The following SAMSN1 variants were observed in gnomAD, a reference collection of about 807,000 sequenced individuals.
The protein encoded by SAMSN1 is SAM domain-containing protein SAMSN-1.
Under a neutral mutation model 42.0 loss-of-function variants are expected in SAMSN1, and 31 were observed. That is an observed-to-expected ratio of 0.74 (90% CI 0.55 to 1.00). The LOEUF (loss-of-function observed/expected upper bound fraction) is 1.00, where lower values mean the gene tolerates loss of function less well. Among genes scored for constraint, SAMSN1 ranks in the 50% least tolerant of loss-of-function variants. The probability of loss-of-function intolerance (pLI) is 0.00; values close to 1 mark genes in which losing one functional copy is unlikely to be tolerated. For synonymous variants in SAMSN1, 178 were observed against 151.9 expected (o/e 1.17, Z -1.26); for missense variants, 464 against 439.4 (o/e 1.06, Z -0.50).
intron 3 of SAMSN1, among the ~76,000 whole-genome samples, chr21:14,514,501 C>T (rs1185314469): frequency 1.3e-5 from 2 of 151,848 alleles, no homozygotes; most frequent in African/African-American, 4.8e-5. Flanking sequence ...GATAGTAATC[C>T]AGGAAAGAAA....
intron 6 of SAMSN1, chr21:14,594,128 AAAAAC>A: frequency 1.6e-6 from 1 of 644,078 alleles, no homozygotes. Flanking sequence ...ACATTCTTTA[AAAAAC>A]AAAACAAAAA....
At chr21:14,623,977 C>G (rs1375699804) in intron 2 of SAMSN1, among the ~76,000 whole-genome samples, 2 of 152,230 alleles carry the variant, frequency 1.3e-5, no homozygotes, top group African/African-American at 2.4e-5. Context: ...GAAACTCACT[C>G]AAAACTGCTC....
intron 2 of SAMSN1, among the ~76,000 whole-genome samples, chr21:14,569,983 T>TC (rs1568812925): frequency 8.8e-5 from 10 of 113,314 alleles, no homozygotes; most frequent in African/African-American, 3.6e-4. Context: ...TTTAACCACT[T>TC]TCCCCCCCCC....
At position 14,651,518 on chromosome 21, in the gene SAMSN1, G is replaced by A. The variant is rs549174145; in HGVS notation, c.24+7230C>T. ...ATAAAAAAATACCTAAAAAAACTGAGTCTAGAAGGAACATACCTCAACATA... is the reference window on the plus strand; with the variant it reads ...ATAAAAAAATACCTAAAAAAACTGAATCTAGAAGGAACATACCTCAACATA... On this transcript the variant is annotated intron_variant, in intron 1 of 15. Transcript: ENST00000647101. Among the ~76,000 whole-genome samples the A allele has an allele frequency of 2.6e-5, 4 of 151,916 alleles. No individual in the cohort carries two copies. In the East Asian group the frequency reaches 7.7e-4, roughly 29 times the overall value.
intron 2 of SAMSN1, among the ~76,000 whole-genome samples, chr21:14,625,831 A>T (rs1291708109): frequency 6.6e-6 from 1 of 152,242 alleles, no homozygotes; most frequent in Non-Finnish European, 1.5e-5. Flanking sequence ...GACAATCCTA[A>T]GCCAAAAGAA....
At chr21:14,627,745 C>T (rs1331166537) in intron 2 of SAMSN1, among the ~76,000 whole-genome samples, 1 of 152,096 alleles carries the variant, frequency 6.6e-6, no homozygotes, top group African/African-American at 2.4e-5. Context: ...TATGAGGATA[C>T]ACTAACATCA....
At position 14,577,282 on chromosome 21, in the gene SAMSN1, A is replaced by ATTT. The variant is rs1226237508; in HGVS notation, c.261+4853_261+4854insAAA. ...TATATATATATATATATATATATAT[A>ATTT]TATTTTTTTTTTAGAAGAGACAGGG... is the stretch of plus-strand genomic sequence containing the variant. On this transcript the variant is annotated intron_variant, in intron 2 of 8. Coordinates refer to the SAMSN1 transcript ENST00000285670. 4.1e-3 allele frequency among the ~76,000 whole-genome samples: 207 copies of ATTT among 50,488 alleles called. 14 individuals are homozygous for ATTT. Among genetic ancestry groups the ATTT allele is most frequent in the Non-Finnish European group, 5.1e-3 (143 of 27,934 alleles). The allele number at this position is 50,488 out of a possible 152,430, so 33.1% of individuals were successfully genotyped here. A position where few individuals can be genotyped will look rare whatever the true frequency, so the allele number is the denominator to read the frequency against.
intron 6 of SAMSN1, among the ~76,000 whole-genome samples, chr21:14,601,863 C>T (rs1982440984): frequency 6.6e-6 from 1 of 152,020 alleles, no homozygotes; most frequent in Admixed American, 6.6e-5. Context: ...TATTTCAATT[C>T]ACAGGGACAT....
intron 5 of SAMSN1, among the ~76,000 whole-genome samples, chr21:14,503,257 A>C (rs572719206): frequency 1.3e-5 from 2 of 152,128 alleles, no homozygotes; most frequent in Non-Finnish European, 2.9e-5. Flanking sequence ...TTAAGGCCTG[A>C]GTGAGCTTTT....
At chr21:14,573,149 G>A (rs1353955962) in intron 2 of SAMSN1, among the ~76,000 whole-genome samples, 1 of 152,130 alleles carries the variant, frequency 6.6e-6, no homozygotes, top group African/African-American at 2.4e-5. Flanking sequence ...TGTATGTGAT[G>A]ATGGGTGGGA....
chr21:14,516,280 G>A (rs1987913555), intron 3 of SAMSN1, among the ~76,000 whole-genome samples: 1 of 152,156 alleles, frequency 6.6e-6, no homozygotes, highest in African/African-American at 2.4e-5. Context: ...TCTATAAAAG[G>A]AGAAATATTA....
chr21:14,508,170 A>C (rs60852348), intron 5 of SAMSN1, among the ~76,000 whole-genome samples: 6,909 of 152,296 alleles, frequency 0.045, 482 homozygotes, highest in African/African-American at 0.15. Context: ...GACCAAGAAC[A>C]CAAAAGCAAA....
chr21:14,534,246 A>G (rs956940806), intron 1 of SAMSN1, among the ~76,000 whole-genome samples: 1 of 152,188 alleles, frequency 6.6e-6, no homozygotes, highest in African/African-American at 2.4e-5. Context: ...ACTATGTTCT[A>G]TACTATCAAT....
chr21:14,640,571 C>A (rs1983570247), intron 2 of SAMSN1, among the ~76,000 whole-genome samples: 1 of 152,014 alleles, frequency 6.6e-6, no homozygotes, highest in South Asian at 2.1e-4. Context: ...AGAAAAAAAT[C>A]TATTCTTCAA....
At chr21:14,654,899 G>A (rs1021997843) in intron 1 of SAMSN1, among the ~76,000 whole-genome samples, 3 of 151,810 alleles carry the variant, frequency 2.0e-5, no homozygotes, top group African/African-American at 7.2e-5. Context: ...AAAAAGAGTT[G>A]TCATTCTAAA....
intron 7 of SAMSN1, among the ~76,000 whole-genome samples, chr21:14,593,461 T>C (rs1393009298): frequency 6.6e-6 from 1 of 152,142 alleles, no homozygotes; most frequent in Non-Finnish European, 1.5e-5. Context: ...AACTTCTGTT[T>C]AGCAATATCT....
upstream of SAMSN1, among the ~76,000 whole-genome samples, chr21:14,586,377 T>C (rs1981920367): frequency 6.6e-6 from 1 of 151,616 alleles, no homozygotes; most frequent in African/African-American, 2.4e-5. Flanking sequence ...GTACTGAATG[T>C]GATTGATTAA....
intron 2 of SAMSN1, among the ~76,000 whole-genome samples, chr21:14,572,192 A>G (rs1981322930): frequency 1.3e-5 from 2 of 152,228 alleles, no homozygotes; most frequent in African/African-American, 4.8e-5. Context: ...CTTGAAAATA[A>G]TAGCTTTTCT....
chr21:14,609,183 C>A (rs910972159), intron 5 of SAMSN1, among the ~76,000 whole-genome samples: 4 of 152,072 alleles, frequency 2.6e-5, no homozygotes, highest in Non-Finnish European at 5.9e-5. Flanking sequence ...ATTTTTTGTA[C>A]ATTAAAACTT....
Sources: allele counts gnomAD v4.1 joint callset (sites outside exome capture counted in the v4.1 genomes callset), GRCh38; gene constraint gnomAD v4.1.1; transcripts MANE v1.5; gene names NCBI Gene and HGNC (gene_info 2026-07-23, HGNC 2026-07-21).